ABI3BP: variants seen among roughly 807,000 people sequenced by gnomAD.
ABI3BP encodes the protein target of Nesh-SH3.
ABI3BP carries 216 observed loss-of-function variants against 268.6 expected under a neutral mutation model. The ratio of observed to expected loss-of-function variants is 0.80; its 90% CI spans 0.72 to 0.90. The LOEUF (loss-of-function observed/expected upper bound fraction) is 0.90, where lower values mean the gene tolerates loss of function less well. ABI3BP is among the 40% of genes least tolerant of loss of function. ABI3BP has a pLI of 0.00. For missense variants in ABI3BP, 2,090 were observed against 2,182.4 expected (o/e 0.96, Z 0.84); for synonymous variants, 730 against 730.0 (o/e 1.00, Z 0.00).
intron 4 of ABI3BP, among the ~76,000 whole-genome samples, chr3:100,894,951 A>AAAAAAAAAAAAAAAAAAAAAAAC (rs2046741365): frequency 8.9e-6 from 1 of 112,506 alleles, no homozygotes; most frequent in Non-Finnish European, 2.2e-5. Context: ...AAAAAAAAAA[A>AAAAAAAAAAAAAAAAAAAAAAAC]AAAAAAAAAA....
In ABI3BP at chr3:100,987,262, G is replaced by A. The variant is rs1465140795; in HGVS notation, c.79+6044C>T. Among the ~76,000 whole-genome samples, 3 of 152,200 alleles carry A rather than the reference G, an allele frequency of 2.0e-5. No individual in the cohort carries two copies. In the East Asian group the frequency reaches 5.8e-4, roughly 29 times the overall value. ...TCCCTTCATTAAACACCTCACTTAT[G>A]TCTTTAAAAAGCCTTCTGTAAACTC... On this transcript the variant is annotated intron_variant, in intron 1 of 67. Transcript: ENST00000471714.
chr3:100,865,865 C>T (rs187932812), intron 10 of ABI3BP, among the ~76,000 whole-genome samples: 14 of 152,110 alleles, frequency 9.2e-5, no homozygotes, highest in African/African-American at 2.9e-4. Context: ...ATCACGTATA[C>T]GGAAGTCAAA....
chr3:100,772,429 T>A (rs977164079), intron 61 of ABI3BP, among the ~76,000 whole-genome samples: 1 of 152,128 alleles, frequency 6.6e-6, no homozygotes. Context: ...ATATAACATG[T>A]AAAAGTAAAA....
intron 9 of ABI3BP, among the ~76,000 whole-genome samples, chr3:100,869,948 T>A (rs975449222): frequency 2.6e-5 from 4 of 152,180 alleles, no homozygotes; most frequent in Non-Finnish European, 4.4e-5. Flanking sequence ...TGGGGATGTG[T>A]GTGTAATCCT....
chr3:100,801,809 A>G, intron 51 of ABI3BP, among the ~76,000 whole-genome samples: 1 of 152,218 alleles, frequency 6.6e-6, no homozygotes, highest in East Asian at 1.9e-4. Flanking sequence ...TGTAATGATA[A>G]CAGTATGATC....
chr3:100,973,058 T>C (rs2084415573), intron 1 of ABI3BP, among the ~76,000 whole-genome samples: 1 of 152,162 alleles, frequency 6.6e-6, no homozygotes. Flanking sequence ...TGCTTTTTGT[T>C]AGTGACTTCA....
intron 20 of ABI3BP, chr3:100,844,249 GAAAC>G: frequency 1.0e-6 from 1 of 985,406 alleles, no homozygotes; most frequent in Non-Finnish European, 1.2e-6. Flanking sequence ...ACGGTCAAGT[GAAAC>G]AAACACCTGT....
chr3:100,789,606 C>T, intron 55 of ABI3BP, 90 bp from the exon 56 acceptor site: 1 of 1,233,172 alleles, frequency 8.1e-7, no homozygotes, highest in South Asian at 1.4e-5. Flanking sequence ...ACAACTCATA[C>T]ACTTTGCATG....
intron 1 of ABI3BP, among the ~76,000 whole-genome samples, chr3:100,972,693 C>T (rs141366681): frequency 4.9e-4 from 74 of 152,178 alleles, no homozygotes; most frequent in Non-Finnish European, 9.4e-4. Flanking sequence ...CTGGGGAAAA[C>T]ACCCATGCTA....
chr3:100,805,010 A>C, intron 50 of ABI3BP, 144 bp from the exon 51 acceptor site: 1 of 653,700 alleles, frequency 1.5e-6, no homozygotes, highest in Non-Finnish European at 2.7e-6. Context: ...TAGAAAGAAG[A>C]CCTAACCTTA....
chr3:100,894,497 AAGAC>A (rs978389242), intron 4 of ABI3BP, among the ~76,000 whole-genome samples: 1 of 152,154 alleles, frequency 6.6e-6, no homozygotes, highest in African/African-American at 2.4e-5. Context: ...CTTACACGGC[AAGAC>A]AGACAGGTAA....
chr3:100,781,964 C>T (rs1379193703), intron 57 of ABI3BP, among the ~76,000 whole-genome samples: 1 of 152,174 alleles, frequency 6.6e-6, no homozygotes, highest in African/African-American at 2.4e-5. Flanking sequence ...ATGCCAGGAT[C>T]CAAAGCCTAT....
At chr3:100,949,284 C>G (rs578115540) in intron 1 of ABI3BP, among the ~76,000 whole-genome samples, 1 of 152,216 alleles carries the variant, frequency 6.6e-6, no homozygotes, top group South Asian at 2.1e-4. Flanking sequence ...TTGAGACAGA[C>G]TCTCGCTCTG....
intron 1 of ABI3BP, among the ~76,000 whole-genome samples, chr3:100,953,543 T>C (rs2075825790): frequency 6.6e-6 from 1 of 152,052 alleles, no homozygotes. Context: ...AAATTACATT[T>C]GCAAAAGAAA....
intron 13 of ABI3BP, 171 bp downstream of exon 13, chr3:100,862,667 G>T: frequency 1.6e-6 from 1 of 608,826 alleles, no homozygotes. Flanking sequence ...GGGTTTTACC[G>T]AATTTGCAGA....
At chr3:100,776,557 G>T (rs1417413207) in intron 59 of ABI3BP, among the ~76,000 whole-genome samples, 1 of 152,178 alleles carries the variant, frequency 6.6e-6, no homozygotes, top group African/African-American at 2.4e-5. Flanking sequence ...AGACACATGT[G>T]AGAGAGCCTC....
chr3:100,881,764 TCA>T (rs1000001664), intron 6 of ABI3BP, among the ~76,000 whole-genome samples: 5 of 152,124 alleles, frequency 3.3e-5, no homozygotes, highest in Admixed American at 2.0e-4. Context: ...ATAGAAAGAA[TCA>T]CAGTTTTGTT....
intron 2 of ABI3BP, chr3:100,911,800 T>C: frequency 7.1e-7 from 1 of 1,408,782 alleles, no homozygotes; most frequent in Admixed American, 1.7e-5. Context: ...AGCAGAAAAA[T>C]AAGTTCTTGG....
At chr3:100,949,549 A>G (rs566495136) in intron 1 of ABI3BP, among the ~76,000 whole-genome samples, 1 of 152,312 alleles carries the variant, frequency 6.6e-6, no homozygotes, top group East Asian at 1.9e-4. Context: ...TACAGGCATG[A>G]GCCACCTTGC....
Sources: allele counts gnomAD v4.1 joint callset (sites outside exome capture counted in the v4.1 genomes callset), GRCh38; gene constraint gnomAD v4.1.1; transcripts MANE v1.5; gene names NCBI Gene and HGNC (gene_info 2026-07-23, HGNC 2026-07-21).